Variants in FCHSD2 observed in about 807,000 individuals in gnomAD.
FCHSD2 encodes FCH and double SH3 domains 2.
In FCHSD2, 38 loss-of-function variants were observed where a neutral mutation model predicts 108.1. That is an observed-to-expected ratio of 0.35 (90% CI 0.27 to 0.46). FCHSD2 has a LOEUF of 0.46. FCHSD2 is among the 20% of genes least tolerant of loss of function. The probability of loss-of-function intolerance (pLI) is 1.00; values close to 1 mark genes in which losing one functional copy is unlikely to be tolerated. For missense variants in FCHSD2, 751 were observed against 897.8 expected (o/e 0.84, Z 2.09); for synonymous variants, 279 against 314.7 (o/e 0.89, Z 1.20).
chr11:73,096,258 A>C (rs1860072052), intron 2 of FCHSD2, among the ~76,000 whole-genome samples: 1 of 151,788 alleles, frequency 6.6e-6, no homozygotes, highest in Non-Finnish European at 1.5e-5. Context: ...AAAAGAAAGC[A>C]GGCAGGGAAC....
chr11:73,006,330 G>C (rs368989172), intron 4 of FCHSD2, among the ~76,000 whole-genome samples: 2 of 152,158 alleles, frequency 1.3e-5, no homozygotes, highest in South Asian at 4.2e-4. Flanking sequence ...CTAAATTCTT[G>C]ATTTCCCTAA....
At chr11:72,988,107 G>C (rs188718115) in intron 6 of FCHSD2, among the ~76,000 whole-genome samples, 3 of 152,258 alleles carry the variant, frequency 2.0e-5, no homozygotes, top group Admixed American at 6.5e-5. Context: ...GTATTAGAAA[G>C]ATAGCCCCCT....
At chr11:73,068,813 TAA>T (rs1237723120) in intron 3 of FCHSD2, among the ~76,000 whole-genome samples, 4 of 83,002 alleles carry the variant, frequency 4.8e-5, no homozygotes, top group Admixed American at 3.0e-4. Context: ...CTACAAAAAG[TAA>T]AAAAAAAAAA....
At chr11:73,129,914 G>A (rs922077670) in intron 2 of FCHSD2, among the ~76,000 whole-genome samples, 2 of 134,256 alleles carry the variant, frequency 1.5e-5, no homozygotes, top group African/African-American at 2.9e-5. Flanking sequence ...TCGCTCTGTC[G>A]CCCAGGCTGG....
At chr11:73,010,798 G>C (rs1392429981) in intron 4 of FCHSD2, among the ~76,000 whole-genome samples, 1 of 152,244 alleles carries the variant, frequency 6.6e-6, no homozygotes, top group Admixed American at 6.5e-5. Flanking sequence ...GGCACTAGTA[G>C]TCCAGGTGGG....
At chr11:73,112,822 T>C (rs1860519059) in intron 2 of FCHSD2, among the ~76,000 whole-genome samples, 1 of 152,134 alleles carries the variant, frequency 6.6e-6, no homozygotes, top group Non-Finnish European at 1.5e-5. Context: ...CTAACATTTA[T>C]TTATTTACTT....
At position 73,141,976 on chromosome 11, in the gene FCHSD2, C is replaced by CG. The variant is rs1422767439; in HGVS notation, c.-100dup. Reference sequence around the variant, plus strand: ...GAGGGGACGGCCCAGCGAGCGCGCGCGTGTGTGAAAGGAGCGCTTAAGAAG... The same window carrying CG: ...GAGGGGACGGCCCAGCGAGCGCGCGCGGTGTGTGAAAGGAGCGCTTAAGAAG... On this transcript the variant is annotated 5_prime_UTR_variant, in exon 1 of 20. Coordinates refer to ENST00000409418, the MANE Select transcript of FCHSD2 (RefSeq NM_014824.3). 2.4e-6 allele frequency: 3 copies of CG among 1,266,864 alleles called. No homozygotes were observed. Among genetic ancestry groups the CG allele is most frequent in the Non-Finnish European group, 3.3e-6 (3 of 918,204 alleles). 78.5% of individuals were successfully genotyped at this position (1,266,864 alleles called of 1,614,324 possible). A position where few individuals can be genotyped will look rare whatever the true frequency, so the allele number is the denominator to read the frequency against.
At chr11:72,973,179 C>T (rs565383764) in intron 8 of FCHSD2, among the ~76,000 whole-genome samples, 16 of 152,074 alleles carry the variant, frequency 1.1e-4, no homozygotes, top group Non-Finnish European at 2.1e-4. Flanking sequence ...ACCAGCCTGA[C>T]CAACATGGAG....
At chr11:73,113,492 C>G (rs1860538597) in intron 2 of FCHSD2, among the ~76,000 whole-genome samples, 1 of 150,280 alleles carries the variant, frequency 6.7e-6, no homozygotes, top group African/African-American at 2.4e-5. Context: ...CCTCAGCCTC[C>G]TGAGTAGCTG....
chr11:72,920,514 T>G (rs1008140637), intron 9 of FCHSD2, among the ~76,000 whole-genome samples: 1 of 151,986 alleles, frequency 6.6e-6, no homozygotes, highest in Non-Finnish European at 1.5e-5. Flanking sequence ...GCAAGGCGGG[T>G]GGACCACTTG....
At chr11:73,005,902 CTTTTTT>C (rs56872243) in intron 4 of FCHSD2, among the ~76,000 whole-genome samples, 17 of 125,666 alleles carry the variant, frequency 1.4e-4, no homozygotes, top group African/African-American at 5.0e-4. Context: ...TATTCCTAAA[CTTTTTT>C]TTTTTTTTTT....
intron 9 of FCHSD2, among the ~76,000 whole-genome samples, chr11:72,913,832 A>AC (rs1565320093): frequency 1.3e-5 from 2 of 149,858 alleles, no homozygotes; most frequent in African/African-American, 4.9e-5. Flanking sequence ...CCCAAAAAAA[A>AC]AACAAAAAAA....
intron 5 of FCHSD2, among the ~76,000 whole-genome samples, chr11:72,995,193 C>T (rs900426967): frequency 3.9e-5 from 6 of 152,116 alleles, no homozygotes; most frequent in African/African-American, 1.4e-4. Flanking sequence ...TATTTTGTTA[C>T]ATATAAACTA....
At chr11:72,882,827 G>A (rs755356382) in intron 12 of FCHSD2, among the ~76,000 whole-genome samples, 9 of 152,172 alleles carry the variant, frequency 5.9e-5, no homozygotes, top group East Asian at 1.9e-4. Flanking sequence ...CAAAATGCCC[G>A]CAGTCTTTTT....
At chr11:73,045,782 C>A (rs1270885676) in intron 3 of FCHSD2, among the ~76,000 whole-genome samples, 1 of 147,714 alleles carries the variant, frequency 6.8e-6, no homozygotes, top group East Asian at 2.1e-4. Flanking sequence ...GTGGGGGGAG[C>A]GGGGAGGGAT....
At position 72,954,879 on chromosome 11, in the gene FCHSD2, C is replaced by T. The variant is rs138364507; in HGVS notation, c.705+29209G>A. ...ATGTGAATTGATATCTATACATATACACACACACACACAGATATATACAGA... is the reference window on the plus strand; with the variant it reads ...ATGTGAATTGATATCTATACATATATACACACACACACAGATATATACAGA... On this transcript the variant is annotated intron_variant, in intron 8 of 19. Coordinates refer to ENST00000409418, the MANE Select transcript of FCHSD2 (RefSeq NM_014824.3). Among the ~76,000 whole-genome samples the T allele has an allele frequency of 1.5e-3, 222 of 151,414 alleles. 2 individuals are homozygous for T. The Middle Eastern group carries it at 0.038, about 26-fold the overall frequency.
At chr11:72,853,274 GA>G (rs1195030331) in intron 13 of FCHSD2, among the ~76,000 whole-genome samples, 2 of 152,112 alleles carry the variant, frequency 1.3e-5, no homozygotes, top group Non-Finnish European at 2.9e-5. Context: ...AATGTTGCTG[GA>G]AAAATTGGAT....
At chr11:73,123,807 C>T (rs537238949) in intron 2 of FCHSD2, among the ~76,000 whole-genome samples, 24 of 152,290 alleles carry the variant, frequency 1.6e-4, no homozygotes, top group African/African-American at 5.5e-4. Context: ...GGCCAACTGA[C>T]TCTTACTTAA....
rs1462310152 is a variant in FCHSD2, at chr11:73,014,263, C to T, written c.242+1546G>A. On this transcript the variant is annotated intron_variant, in intron 4 of 19. Transcript: ENST00000409418. ...CGTCCTGCCTTAGCCTCCTGAGTAGCTGGGACTACATGCACGTACCACCAC... is the reference window on the plus strand; with the variant it reads ...CGTCCTGCCTTAGCCTCCTGAGTAGTTGGGACTACATGCACGTACCACCAC... 3.3e-5 allele frequency among the ~76,000 whole-genome samples: 5 copies of T among 151,010 alleles called. No individual in the cohort carries two copies. In the South Asian group the frequency reaches 8.4e-4, roughly 25 times the overall value.
Sources: allele counts gnomAD v4.1 joint callset (sites outside exome capture counted in the v4.1 genomes callset), GRCh38; gene constraint gnomAD v4.1.1; transcripts MANE v1.5; gene names NCBI Gene and HGNC (gene_info 2026-07-23, HGNC 2026-07-21).